Variants in GNAS-AS1 observed in about 807,000 individuals in gnomAD.
GNAS-AS1 encodes GNAS antisense RNA 1.
At chr20:58,823,924 G>A (rs940683661) in intron 4 of GNAS-AS1, 22 of 397,940 alleles carry the variant, frequency 5.5e-5, no homozygotes, top group Admixed American at 8.8e-5. Context: ...TCTCATCATC[G>A]ATACATAGGT....
Position 58,850,847 on chromosome 20 carries a change from C to A in GNAS-AS1, n.57G>T, listed in dbSNP as rs563960988. 36 of 398,834 alleles carry A rather than the reference C, an allele frequency of 9.0e-5. No homozygotes were observed. The South Asian group carries it at 3.9e-3, about 44-fold the overall frequency. 24.7% of individuals were successfully genotyped at this position (398,834 alleles called of 1,614,324 possible). A position where few individuals can be genotyped will look rare whatever the true frequency, so the allele number is the denominator to read the frequency against. ...CTAGCCGCCATACACCCGCCCCCCA[C>A]CGGCTTCCAACCACCCCAGCAGCAC... is the stretch of plus-strand genomic sequence containing the variant. On this transcript the variant is annotated non_coding_transcript_exon_variant, in exon 1 of 5. Transcript: ENST00000424094.
intron 4 of GNAS-AS1, among the ~76,000 whole-genome samples, chr20:58,830,080 G>A (rs1333923968): frequency 6.6e-6 from 1 of 151,880 alleles, no homozygotes; most frequent in African/African-American, 2.4e-5. Context: ...GGCTCTTTCT[G>A]CATGGCTGGG....
At chr20:58,820,484 G>A (rs1896095393) in intron 4 of GNAS-AS1, among the ~76,000 whole-genome samples, 1 of 152,210 alleles carries the variant, frequency 6.6e-6, no homozygotes, top group Admixed American at 6.5e-5. Flanking sequence ...AAAGGGCCAA[G>A]GAAGATTCCA....
chr20:58,824,931 G>C (rs558491297), intron 4 of GNAS-AS1, among the ~76,000 whole-genome samples: 5 of 152,216 alleles, frequency 3.3e-5, no homozygotes, highest in African/African-American at 1.2e-4. Context: ...GATGGGTTCT[G>C]TGAGAGGCCT....
At chr20:58,845,690 C>A (rs1367515953) in intron 2 of GNAS-AS1, among the ~76,000 whole-genome samples, 1 of 152,140 alleles carries the variant, frequency 6.6e-6, no homozygotes, top group East Asian at 1.9e-4. Context: ...GTTTAAAAAT[C>A]TCATGAGTTT....
chr20:58,850,899 C>G, exon 1 of GNAS-AS1: 2 of 398,748 alleles, frequency 5.0e-6, no homozygotes, highest in Non-Finnish European at 8.8e-6. Flanking sequence ...ACGCGGCGCC[C>G]CCTATTGGAC....
Position 58,841,527 on chromosome 20 carries a change from C to T in GNAS-AS1, n.819+410G>A. On this transcript the variant is annotated intron_variant and non_coding_transcript_variant, in intron 4 of 4. Coordinates refer to ENST00000424094, the Ensembl canonical transcript of GNAS-AS1. The surrounding 1 kb of genome is among the most constrained non-coding windows in gnomAD (Gnocchi z 5.0). ...CGCGGGACCTCCGCGCCAGTGCCTC[C>T]AGCTGCCGTGCGCCAGCCTTGGCCG... 2 of 994,316 alleles carry T rather than the reference C, an allele frequency of 2.0e-6. No individual in the cohort carries two copies. The highest frequency in any genetic ancestry group is 2.4e-6 in the Non-Finnish European group (2 of 836,300). 61.6% of individuals were successfully genotyped at this position (994,316 alleles called of 1,614,324 possible). A position where few individuals can be genotyped will look rare whatever the true frequency, so the allele number is the denominator to read the frequency against.
chr20:58,839,267 T>G (rs561160848), intron 4 of GNAS-AS1: 1 of 398,656 alleles, frequency 2.5e-6, no homozygotes, highest in South Asian at 1.3e-4. Flanking sequence ...ACAGATCTGC[T>G]AAAGGTAGTT....
At chr20:58,819,812 C>T (rs2085473396) in intron 4 of GNAS-AS1, among the ~76,000 whole-genome samples, 1 of 152,232 alleles carries the variant, frequency 6.6e-6, no homozygotes, top group South Asian at 2.1e-4. Flanking sequence ...GCAAACCCAT[C>T]TACCTCTGGT....
At chr20:58,830,205 TCAC>T (rs1256121985) in intron 4 of GNAS-AS1, among the ~76,000 whole-genome samples, 39 of 116,416 alleles carry the variant, frequency 3.4e-4, no homozygotes, top group South Asian at 1.8e-3. Flanking sequence ...ATCACCATCA[TCAC>T]CACCACCACC....
intron 4 of GNAS-AS1, among the ~76,000 whole-genome samples, chr20:58,820,287 C>A (rs778939619): frequency 7.9e-5 from 12 of 152,232 alleles, no homozygotes; most frequent in Non-Finnish European, 1.6e-4. Flanking sequence ...CCCACAGAGC[C>A]CTGCCTCCTG....
intron 4 of GNAS-AS1, among the ~76,000 whole-genome samples, chr20:58,822,156 C>T (rs556762720): frequency 7.8e-4 from 119 of 152,364 alleles, no homozygotes; most frequent in African/African-American, 2.7e-3. Flanking sequence ...GCTCATCCAT[C>T]AGCCCAGGTC....
At chr20:58,835,026 G>C in intron 4 of GNAS-AS1, among the ~76,000 whole-genome samples, 1 of 151,964 alleles carries the variant, frequency 6.6e-6, no homozygotes, top group Non-Finnish European at 1.5e-5. Context: ...CTGAATAGCA[G>C]CAAAATAGCA....
At chr20:58,831,549 T>A (rs994815445) in intron 4 of GNAS-AS1, among the ~76,000 whole-genome samples, 4 of 151,978 alleles carry the variant, frequency 2.6e-5, no homozygotes, top group Non-Finnish European at 4.4e-5. Context: ...GAGAATGGCA[T>A]GAACCGGGGA....
At position 58,842,401 on chromosome 20, in the gene GNAS-AS1, C is replaced by G. The variant is rs74936704; in HGVS notation, n.526+32G>C. 1.4e-3 allele frequency: 574 copies of G among 398,388 alleles called. 2 individuals are homozygous for G. The highest frequency in any genetic ancestry group is 0.011 in the African/African-American group (534 of 48,682). The allele number at this position is 398,388 out of a possible 1,614,324, so 24.7% of individuals were successfully genotyped here. A position where few individuals can be genotyped will look rare whatever the true frequency, so the allele number is the denominator to read the frequency against. On this transcript the variant is annotated intron_variant and non_coding_transcript_variant, in intron 3 of 4. Coordinates refer to ENST00000424094, the Ensembl canonical transcript of GNAS-AS1. ...TGAATGACGGTCAGGTTCTTAACTC[C>G]TAAGAAAAGGATGATGATAGAAGGA...
chr20:58,849,706 A>G (rs775306621), intron 1 of GNAS-AS1, among the ~76,000 whole-genome samples: 35 of 152,174 alleles, frequency 2.3e-4, no homozygotes, highest in Non-Finnish European at 3.8e-4. Context: ...TCTTTCTAGC[A>G]TAAGAGCTGC....
rs1341280871 is a variant in GNAS-AS1, at chr20:58,840,444, G to GCGAGACCGAGTCCGAAAT, written n.819+1475_819+1492dup. ...GAAGAGTTCGACTACGAGACCGAGA[G>GCGAGACCGAGTCCGAAAT]CGAGACCGAGTCCGAAATCGAGTCC... On this transcript the variant is annotated intron_variant and non_coding_transcript_variant, in intron 4 of 4. Coordinates refer to ENST00000424094, the Ensembl canonical transcript of GNAS-AS1. The surrounding 1 kb of genome is among the most constrained non-coding windows in gnomAD (Gnocchi z 6.0). The GCGAGACCGAGTCCGAAAT allele has an allele frequency of 6.2e-7, 1 of 1,613,368 alleles. No homozygotes were observed. Among genetic ancestry groups the GCGAGACCGAGTCCGAAAT allele is most frequent in the Admixed American group, 1.7e-5 (1 of 60,022 alleles).
At chr20:58,837,597 C>T (rs1600649877) in intron 4 of GNAS-AS1, among the ~76,000 whole-genome samples, 1 of 152,226 alleles carries the variant, frequency 6.6e-6, no homozygotes. Flanking sequence ...CGTGCGTCAA[C>T]ACGCCTGGCT....
At chr20:58,839,175 G>A in intron 4 of GNAS-AS1, 1 of 398,572 alleles carries the variant, frequency 2.5e-6, no homozygotes, top group Non-Finnish European at 4.4e-6. Flanking sequence ...GGGGGCCCTT[G>A]TTGAAGAAGA....
Sources: allele counts gnomAD v4.1 joint callset (sites outside exome capture counted in the v4.1 genomes callset), GRCh38; gene constraint gnomAD v4.1.1; non-coding constraint Gnocchi (gnomAD v3.1); transcripts MANE v1.5; gene names NCBI Gene and HGNC (gene_info 2026-07-23, HGNC 2026-07-21).